ITPRID1: variants seen among roughly 807,000 people sequenced by gnomAD.
The protein encoded by ITPRID1 is protein ITPRID1.
A neutral mutation model predicts 95.4 loss-of-function variants in ITPRID1; 96 were observed. The ratio of observed to expected loss-of-function variants is 1.01; its 90% confidence interval spans 0.85 to 1.19. The LOEUF (loss-of-function observed/expected upper bound fraction) is 1.19. Ranked by LOEUF, ITPRID1 falls within the 50% of genes most tolerant of loss-of-function variation. The pLI, the probability that ITPRID1 is intolerant of heterozygous loss-of-function variation, is 0.00. For missense variants in ITPRID1, 1,339 were observed against 1,252.9 expected (o/e 1.07, Z -1.04); for synonymous variants, 510 against 453.6 (o/e 1.12, Z -1.58).
At chr7:31,525,273 C>T (rs1783387937) in intron 1 of ITPRID1, among the ~76,000 whole-genome samples, 2 of 152,226 alleles carry the variant, frequency 1.3e-5, no homozygotes, top group South Asian at 4.1e-4. Flanking sequence ...TAAGTCCTAA[C>T]CTTTCCATCT....
In ITPRID1 at chr7:31,630,473, C is replaced by T. The variant is rs571093493; in HGVS notation, c.1229-11703C>T. ...GACAAATAGATTAAAACTTGTGTCC[C>T]AATTCTCATTGATTAGTATTAGCTA... On this transcript the variant is annotated intron_variant, in intron 10 of 14. Coordinates refer to ENST00000615280, the MANE Select transcript of ITPRID1 (RefSeq NM_001257967.3). Among the ~76,000 whole-genome samples, 10 of 152,106 alleles carry T rather than the reference C, an allele frequency of 6.6e-5. No homozygotes were observed. The South Asian group carries it at 1.7e-3, about 25-fold the overall frequency.
At chr7:31,544,548 GC>G (rs1200406976) in intron 1 of ITPRID1, among the ~76,000 whole-genome samples, 1 of 152,004 alleles carries the variant, frequency 6.6e-6, no homozygotes, top group African/African-American at 2.4e-5. Flanking sequence ...CTTCCAAGAA[GC>G]TTTTTTTATA....
At chr7:31,589,082 G>T (rs1785750356) in intron 10 of ITPRID1, among the ~76,000 whole-genome samples, 1 of 152,032 alleles carries the variant, frequency 6.6e-6, no homozygotes, top group Non-Finnish European at 1.5e-5. Flanking sequence ...GAAGGATGTA[G>T]AGGAAAATAT....
At chr7:31,615,442 G>A (rs756508547) in intron 10 of ITPRID1, among the ~76,000 whole-genome samples, 1 of 152,148 alleles carries the variant, frequency 6.6e-6, no homozygotes, top group Non-Finnish European at 1.5e-5. Context: ...ATAATGGCAA[G>A]CAGTAAATGG....
At chr7:31,521,616 T>TTCCC (rs1258785831) in intron 1 of ITPRID1, among the ~76,000 whole-genome samples, 1 of 83,556 alleles carries the variant, frequency 1.2e-5, no homozygotes, top group Admixed American at 1.1e-4. Context: ...TTTTTCTCCT[T>TTCCC]TCCCTCCTTC....
rs534596909 is a variant in ITPRID1 at position 31,584,456 on chromosome 7, T to C, written c.1228+1265T>C. 2.0e-5 allele frequency among the ~76,000 whole-genome samples: 3 copies of C among 152,230 alleles called. No individual in the cohort carries two copies. In the South Asian group the frequency reaches 6.2e-4, roughly 32 times the overall value. On this transcript the variant is annotated intron_variant, in intron 10 of 14. Transcript: ENST00000615280. ...GAATGCTTTTCAATGAAGCTGGAGG[T>C]CCCCTTGCCAATAGGAATTGCCTTC...
chr7:31,606,186 T>C (rs979426076), intron 10 of ITPRID1, among the ~76,000 whole-genome samples: 1 of 152,160 alleles, frequency 6.6e-6, no homozygotes, highest in Non-Finnish European at 1.5e-5. Context: ...TTCTGATAAA[T>C]AGGACTATTT....
In ITPRID1 at chr7:31,653,017, C is replaced by G. The variant is rs976345305; in HGVS notation, c.*188C>G. ...CTAATACTCATTCAGTATAGAATAACTGAGCACCTAGTATGTGCCTGGCAC... is the reference window on the plus strand; with the variant it reads ...CTAATACTCATTCAGTATAGAATAAGTGAGCACCTAGTATGTGCCTGGCAC... On this transcript the variant is annotated 3_prime_UTR_variant, in exon 15 of 15. Coordinates refer to ENST00000615280, the MANE Select transcript of ITPRID1 (RefSeq NM_001257967.3). The G allele has an allele frequency of 6.5e-6, 9 of 1,390,084 alleles. No individual in the cohort carries two copies. In the African/African-American group the frequency reaches 1.2e-4, roughly 18 times the overall value. The allele number at this position is 1,390,084 out of a possible 1,614,324, so 86.1% of individuals were successfully genotyped here. A position where few individuals can be genotyped will look rare whatever the true frequency, so the allele number is the denominator to read the frequency against.
intron 10 of ITPRID1, among the ~76,000 whole-genome samples, chr7:31,623,024 A>G (rs38354): frequency 0.99 from 151,006 of 151,796 alleles, 75,110 homozygotes; most frequent in East Asian, 1. Flanking sequence ...TAAATTCCTC[A>G]ACACATACAC....
At chr7:31,647,653 AACAG>A (rs938276725) in intron 12 of ITPRID1, among the ~76,000 whole-genome samples, 3 of 141,568 alleles carry the variant, frequency 2.1e-5, no homozygotes, top group Non-Finnish European at 4.5e-5. Flanking sequence ...CAGCCTGAGC[AACAG>A]AGAGAGTCTC....
chr7:31,612,693 C>G (rs887838964), intron 10 of ITPRID1, among the ~76,000 whole-genome samples: 1 of 152,056 alleles, frequency 6.6e-6, no homozygotes, highest in African/African-American at 2.4e-5. Context: ...TTTGTTGGAG[C>G]ATGCCTTCAA....
chr7:31,617,031 G>A (rs758570097), intron 10 of ITPRID1, among the ~76,000 whole-genome samples: 7 of 152,082 alleles, frequency 4.6e-5, no homozygotes, highest in Non-Finnish European at 4.4e-5. Flanking sequence ...ATGACAGACT[G>A]CTCCTAGGCA....
intron 6 of ITPRID1, among the ~76,000 whole-genome samples, chr7:31,570,594 T>G (rs1025397959): frequency 6.6e-6 from 1 of 152,224 alleles, no homozygotes; most frequent in Non-Finnish European, 1.5e-5. Context: ...ATTTTTCTCC[T>G]GCAGGATTGG....
At chr7:31,651,910 TTTG>T in intron 13 of ITPRID1, 26 bp from the exon 14 acceptor site, 1 of 1,495,240 alleles carries the variant, frequency 6.7e-7, no homozygotes, top group Non-Finnish European at 9.1e-7. Flanking sequence ...GATTGTTAAA[TTTG>T]GTTATTTTCT....
At chr7:31,543,776 T>C (rs1784007484) in intron 1 of ITPRID1, among the ~76,000 whole-genome samples, 1 of 152,158 alleles carries the variant, frequency 6.6e-6, no homozygotes, top group Non-Finnish European at 1.5e-5. Flanking sequence ...TTCATGGAGA[T>C]CATCGTATCA....
intron 10 of ITPRID1, among the ~76,000 whole-genome samples, chr7:31,613,470 A>G (rs1786974472): frequency 1.3e-5 from 2 of 152,112 alleles, no homozygotes; most frequent in South Asian, 4.1e-4. Flanking sequence ...AATAAAACCA[A>G]TTTGCTTACT....
At chr7:31,582,528 G>A (rs2128149163) in intron 9 of ITPRID1, among the ~76,000 whole-genome samples, 1 of 152,114 alleles carries the variant, frequency 6.6e-6, no homozygotes, top group South Asian at 2.1e-4. Flanking sequence ...TGAGATTATA[G>A]GCATGAGTTA....
In ITPRID1 at chr7:31,642,231, G is replaced by A. The variant is rs1354693461; in HGVS notation, c.1284G>A (p.Glu428=). The change falls in exon 11 of 15, where the codon GAG becomes GAA. Residue 428 remains glutamate (E), a synonymous_variant. Coordinates refer to ENST00000615280, the MANE Select transcript of ITPRID1 (RefSeq NM_001257967.3). ...AGTCTGACAGCAGCGGGTTCCTGGA[G>A]GAGCCGCTGGAACCGCTGCCCCTCC... ...SCQSDSSGFL[E]EPLEPLPLQM... is the part of the protein sequence containing the mutation. 2 of 1,556,906 alleles carry A rather than the reference G, an allele frequency of 1.3e-6. No individual in the cohort carries two copies. Among genetic ancestry groups the A allele is most frequent in the African/African-American group, 1.4e-5 (1 of 73,350 alleles).
chr7:31,516,824 G>A (rs953336356), intron 1 of ITPRID1, among the ~76,000 whole-genome samples: 2 of 152,130 alleles, frequency 1.3e-5, no homozygotes, highest in Non-Finnish European at 2.9e-5. Flanking sequence ...CAGAAGTGGT[G>A]GGTTCTCGGT....
Sources: allele counts gnomAD v4.1 joint callset (sites outside exome capture counted in the v4.1 genomes callset), GRCh38; gene constraint gnomAD v4.1.1; transcripts MANE v1.5; gene names NCBI Gene and HGNC (gene_info 2026-07-23, HGNC 2026-07-21).